Variants in TBC1D8B observed in about 807,000 individuals in gnomAD.
TBC1D8B encodes the protein RP11-321G1.1.
A neutral mutation model predicts 82.9 loss-of-function variants in TBC1D8B; 75 were observed. That is an observed-to-expected ratio of 0.90 (90% CI 0.75 to 1.10). TBC1D8B has a LOEUF of 1.10. TBC1D8B is among the 50% of genes least tolerant of loss of function. TBC1D8B has a pLI of 0.00. For synonymous variants in TBC1D8B, 276 were observed against 276.8 expected (o/e 1.00, Z 0.03); for missense variants, 794 against 796.9 (o/e 1.00, Z 0.04).
Position 106,840,657 on chromosome X carries a change from A to C in TBC1D8B, c.1505-13A>C, listed in dbSNP as rs777388337. On this transcript the variant is annotated splice_polypyrimidine_tract_variant and intron_variant, in intron 9 of 20. Transcript: ENST00000357242. ...CCACCTTCTGTTGTATGTTAATGTA[A>C]TAATCTTCACAGGTGCTGTTAATGA... 111 of 1,191,088 alleles carry C rather than the reference A, an allele frequency of 9.3e-5. No individual in the cohort carries two copies. The highest frequency in any genetic ancestry group is 1.2e-4 in the Non-Finnish European group (107 of 878,858).
At chrX:106,867,116 T>C (rs1932820195) in intron 17 of TBC1D8B, among the ~76,000 whole-genome samples, 1 of 111,754 alleles carries the variant, frequency 8.9e-6, no homozygotes. Context: ...GATAAGTAGT[T>C]TGTATATAAG....
chrX:106,816,484 A>T (rs1931543809), intron 1 of TBC1D8B, among the ~76,000 whole-genome samples: 1 of 110,878 alleles, frequency 9.0e-6, no homozygotes, highest in Admixed American at 9.6e-5. Flanking sequence ...CCCCAAACCC[A>T]TCAGTAATTC....
chrX:106,843,940 A>T (rs1266213024), intron 10 of TBC1D8B, among the ~76,000 whole-genome samples: 3 of 111,430 alleles, frequency 2.7e-5, no homozygotes, highest in Non-Finnish European at 3.8e-5. Flanking sequence ...TTCCTTTGTT[A>T]ATTTTATTTC....
At chrX:106,849,220 ATTTTTTT>A in intron 11 of TBC1D8B, 13 of 880,740 alleles carry the variant, frequency 1.5e-5, no homozygotes, top group African/African-American at 1.3e-4. Flanking sequence ...TTATTTGTGT[ATTTTTTT>A]TTTTTTTTTT....
chrX:106,810,977 G>A (rs1474618586), intron 1 of TBC1D8B, among the ~76,000 whole-genome samples: 1 of 111,000 alleles, frequency 9.0e-6, no homozygotes, highest in Non-Finnish European at 1.9e-5. Flanking sequence ...CTGTCAAGTA[G>A]ATTTCATTCT....
intron 17 of TBC1D8B, among the ~76,000 whole-genome samples, chrX:106,867,693 A>C (rs1418825850): frequency 9.0e-6 from 1 of 111,618 alleles, no homozygotes; most frequent in Admixed American, 9.5e-5. Context: ...AAAAACAAAC[A>C]GCACCTCATA....
In TBC1D8B at chrX:106,854,290, G is replaced by A; in HGVS notation, c.2346G>A (p.Gln782=). 1.7e-6 allele frequency: 2 copies of A among 1,169,426 alleles called. No individual in the cohort carries two copies. Among genetic ancestry groups the A allele is most frequent in the Non-Finnish European group, 2.3e-6 (2 of 874,192 alleles). The part of the protein sequence containing the change: ...VIQTLEETTK[Q]NVLRVVSQDV... ...AGACCCTAGAGGAAACAACAAAACA[G>A]AATGTGGTAAGTATGCAACCAATGA... The change falls in exon 14 of 21, where the codon CAG becomes CAA. Residue 782 remains glutamine, a synonymous_variant. Coordinates refer to ENST00000357242, the MANE Select transcript of TBC1D8B (RefSeq NM_017752.3).
At chrX:106,850,434 T>G in intron 12 of TBC1D8B, 124 bp downstream of exon 12, 4 of 712,028 alleles carry the variant, frequency 5.6e-6, no homozygotes, top group Non-Finnish European at 7.8e-6. Flanking sequence ...ACAAAACCAC[T>G]TGAATGAAAG....
chrX:106,872,191 A>G (rs190842499), intron 20 of TBC1D8B, among the ~76,000 whole-genome samples: 8 of 108,399 alleles, frequency 7.4e-5, no homozygotes, highest in African/African-American at 2.7e-4. Flanking sequence ...TGGTGGTTGC[A>G]GTGAGCCGAG....
intron 7 of TBC1D8B, among the ~76,000 whole-genome samples, chrX:106,834,350 G>A (rs1330067090): frequency 9.0e-6 from 1 of 110,768 alleles, no homozygotes; most frequent in Non-Finnish European, 1.9e-5. Context: ...GAACAGCATG[G>A]GAGAAACTGC....
intron 7 of TBC1D8B, among the ~76,000 whole-genome samples, chrX:106,837,293 T>C (rs1932196936): frequency 8.9e-6 from 1 of 111,969 alleles, no homozygotes; most frequent in Admixed American, 9.5e-5. Context: ...CAATTATATG[T>C]CTGGTAAGGG....
In TBC1D8B at chrX:106,822,166, T is replaced by A. The variant is rs372013203; in HGVS notation, c.550T>A (p.Phe184Ile). The A allele has an allele frequency of 1.7e-6, 2 of 1,204,833 alleles. No homozygotes were observed. Among genetic ancestry groups the A allele is most frequent in the African/African-American group, 3.5e-5 (2 of 56,882 alleles). ...GGGTTGGCTTTATCTTAGCACCAAC[T>A]TTCTGAGCTTCTATTCTTTTTTGTT... ...CQGWLYLSTN[F>I]LSFYSFLLGS... Residue 184 changes from phenylalanine (F) to isoleucine (I), a missense_variant, in exon 4 of 21, where the codon TTT becomes ATT. Transcript: ENST00000357242.
rs148604521 is a variant in TBC1D8B at position 106,833,534 on chromosome X, C to G, written c.1204-5774C>G. On this transcript the variant is annotated intron_variant, in intron 7 of 20. Transcript: ENST00000357242. ...CTTGAATAATCTACTTTATTACACT[C>G]TTCAAAATTTCAAACATTAAACTAC... is the stretch of plus-strand genomic sequence containing the variant. Among the ~76,000 whole-genome samples, 979 of 112,210 alleles carry G rather than the reference C, an allele frequency of 8.7e-3. 8 individuals carry two copies. The highest frequency in any genetic ancestry group is 0.03 in the African/African-American group (937 of 30,961).
intron 14 of TBC1D8B, among the ~76,000 whole-genome samples, chrX:106,854,786 G>A (rs1295674240): frequency 9.0e-6 from 1 of 111,355 alleles, no homozygotes; most frequent in Admixed American, 9.5e-5. Flanking sequence ...AAAGGGTTAG[G>A]ATTACAGGCG....
intron 14 of TBC1D8B, among the ~76,000 whole-genome samples, chrX:106,858,220 C>T (rs184982179): frequency 3.3e-4 from 37 of 111,880 alleles, no homozygotes; most frequent in Non-Finnish European, 5.1e-4. Flanking sequence ...TGAAAAGTGT[C>T]TGTCCATGTC....
rs567506773 is a variant in TBC1D8B, at chrX:106,830,344, G to A, written c.1203+3007G>A. Among the ~76,000 whole-genome samples, 6 of 111,763 alleles carry A rather than the reference G, an allele frequency of 5.4e-5. No individual in the cohort carries two copies. The South Asian group carries it at 2.3e-3, about 42-fold the overall frequency. On this transcript the variant is annotated intron_variant, in intron 7 of 20. Transcript: ENST00000357242. ...AAATAGGAACACTTTTACACTGTTG[G>A]TGGGACTGTAAACTAGTTCAACCAT...
rs1156995114 is a variant in TBC1D8B at position 106,854,213 on chromosome X, C to T, written c.2269C>T (p.Arg757Cys). The T allele has an allele frequency of 5.1e-6, 6 of 1,167,142 alleles. No individual in the cohort carries two copies. The highest frequency in any genetic ancestry group is 5.1e-5 in the Admixed American group (2 of 38,992). Residue 757 changes from arginine (R) to cysteine (C), a missense_variant, in exon 14 of 21, where the codon CGC becomes TGC. Physicochemically the swap from Arg to Cys is radical, Grantham distance 180. Transcript: ENST00000357242. ...RESNEKYGNI[R>C]YEDIHSMRCR... ...TCTCTTGCAGAAATATGGTAATATT[C>T]GCTATGAAGATATACATAGTATGCG...
Position 106,824,577 on chromosome X carries a change from C to T in TBC1D8B, c.827+1111C>T, listed in dbSNP as rs757407281. Among the ~76,000 whole-genome samples, 9 of 111,106 alleles carry T rather than the reference C, an allele frequency of 8.1e-5. No homozygotes were observed. In the South Asian group the frequency reaches 1.5e-3, roughly 18 times the overall value. On this transcript the variant is annotated intron_variant, in intron 5 of 20. Transcript: ENST00000357242. ...CTGTTTGTATTATATTATAGGTGGG[C>T]GTTTGTTTTTGTATTTCATTTCTTT...
chrX:106,853,524 C>T lies in TBC1D8B; in HGVS notation c.2127C>T (p.Phe709=), dbSNP rs1268476628. The T allele has an allele frequency of 4.1e-6, 5 of 1,205,916 alleles. No homozygotes were observed. Among genetic ancestry groups the T allele is most frequent in the Non-Finnish European group, 5.6e-6 (5 of 891,413 alleles). Residue 709 remains phenylalanine, a synonymous_variant, in exon 13 of 21, where the codon TTC becomes TTT. Coordinates refer to ENST00000357242, the MANE Select transcript of TBC1D8B (RefSeq NM_017752.3). ...TATTACTATCACTTTTCAATAGGTT[C>T]TTTGACAATGTCACTAATAAGGATA... ...DAEAVTALNR[F]FDNVTNKDSP...
Sources: allele counts gnomAD v4.1 joint callset (sites outside exome capture counted in the v4.1 genomes callset), GRCh38; gene constraint gnomAD v4.1.1; transcripts MANE v1.5; gene names NCBI Gene and HGNC (gene_info 2026-07-23, HGNC 2026-07-21).